Variants in PEX16 observed in about 807,000 individuals in gnomAD.
PEX16 encodes peroxisomal biogenesis factor 16.
Under a neutral mutation model 50.5 loss-of-function variants are expected in PEX16, and 37 were observed. The observed-to-expected ratio is 0.73, with a 90% CI of 0.56 to 0.96. The LOEUF (loss-of-function observed/expected upper bound fraction) is 0.96. Among genes scored for constraint, PEX16 ranks in the 40% least tolerant of loss-of-function variants. The probability of loss-of-function intolerance (pLI) is 0.00; values close to 1 mark genes in which losing one functional copy is unlikely to be tolerated. For missense variants in PEX16, 401 were observed against 438.3 expected (o/e 0.91, Z 0.76); for synonymous variants, 185 against 190.3 (o/e 0.97, Z 0.23).
upstream of PEX16, chr11:45,918,124 G>A: frequency 2.1e-6 from 1 of 471,492 alleles, no homozygotes. Flanking sequence ...CCGTTTACCG[G>A]GTTGGCTGCC....
In PEX16 at chr11:45,910,129, T is replaced by C. The variant is rs2086760276; in HGVS notation, c.*125A>G. 4 of 1,611,794 alleles carry C rather than the reference T, an allele frequency of 2.5e-6. No homozygotes were observed. The highest frequency in any genetic ancestry group is 1.7e-6 in the Non-Finnish European group (2 of 1,179,920). ...GAGGAACGCTGGTGGCGACCAGGGC[T>C]GTGTGTGGGGCCTGGCCGGTAGGCA... is the stretch of plus-strand genomic sequence containing the variant. On this transcript the variant is annotated 3_prime_UTR_variant, in exon 11 of 11. Coordinates refer to ENST00000378750, the MANE Select transcript of PEX16 (RefSeq NM_004813.4).
chr11:45,910,002 G>A lies in PEX16; in HGVS notation c.*252C>T, dbSNP rs868786874. On this transcript the variant is annotated 3_prime_UTR_variant, in exon 11 of 11. Coordinates refer to ENST00000378750, the MANE Select transcript of PEX16 (RefSeq NM_004813.4). ...GAAGTCACCGCTTTCTGTGGGAGAG[G>A]AGCCTGGATCCCACTCCTAGTGAAG... 10 of 1,221,666 alleles carry A rather than the reference G, an allele frequency of 8.2e-6. No homozygotes were observed. Among genetic ancestry groups the A allele is most frequent in the Admixed American group, 1.7e-5 (1 of 59,122 alleles). The allele number at this position is 1,221,666 out of a possible 1,614,324, so 75.7% of individuals were successfully genotyped here.
Position 45,915,557 on chromosome 11 carries a change from C to T in PEX16, c.371G>A (p.Arg124Gln), listed in dbSNP as rs751381531. The part of the protein sequence containing the change: ...ALVQLAKAVL[R>Q]MLLLLWFKAG... ...CTTGAACCAGAGCAGCAGGAGCATCCGCAGTACAGCCCTGGGTCGGGGAGT... is the reference window on the plus strand; with the variant it reads ...CTTGAACCAGAGCAGCAGGAGCATCTGCAGTACAGCCCTGGGTCGGGGAGT... Residue 124 changes from arginine (R) to glutamine (Q), a missense_variant, in exon 5 of 11, where the codon CGG becomes CAG. Arg to Gln is a conservative substitution (Grantham distance 43). Coordinates refer to ENST00000378750, the MANE Select transcript of PEX16 (RefSeq NM_004813.4). 16 of 1,613,990 alleles carry T rather than the reference C, an allele frequency of 9.9e-6. No homozygotes were observed. Among genetic ancestry groups the T allele is most frequent in the South Asian group, 4.4e-5 (4 of 91,078 alleles).
chr11:45,916,168 G>A, intron 3 of PEX16, 59 bp downstream of exon 3: 1 of 1,245,226 alleles, frequency 8.0e-7, no homozygotes, highest in South Asian at 1.2e-5. Context: ...TGGGCTAGCT[G>A]CTACTATTTC....
chr11:45,911,957 G>A (rs1249539729), intron 9 of PEX16: 1 of 152,626 alleles, frequency 6.6e-6, no homozygotes, highest in Non-Finnish European at 1.5e-5. Context: ...CCGGGAGGCA[G>A]AGGTTGCGGT....
At chr11:45,910,824 C>T in intron 10 of PEX16, 74 bp downstream of exon 10, 4 of 1,264,914 alleles carry the variant, frequency 3.2e-6, no homozygotes, top group Non-Finnish European at 4.6e-6. Flanking sequence ...TGCAAGGAGA[C>T]AGAGGAGTCA....
intron 8 of PEX16, 85 bp from the exon 9 acceptor site, chr11:45,914,023 G>C (rs1160327951): frequency 2.3e-5 from 36 of 1,594,224 alleles, no homozygotes; most frequent in Non-Finnish European, 3.0e-5. Context: ...GGTGTCCAGA[G>C]GGGCAGCAAC....
At chr11:45,913,781 C>T in intron 9 of PEX16, 38 bp downstream of exon 9, 1 of 1,613,322 alleles carries the variant, frequency 6.2e-7, no homozygotes, top group Non-Finnish European at 8.5e-7. Flanking sequence ...GCCCGCTTGC[C>T]AGCCCTCTCC....
upstream of PEX16, chr11:45,918,255 G>C: frequency 3.7e-6 from 1 of 270,314 alleles, no homozygotes; most frequent in Non-Finnish European, 7.4e-6. Context: ...CGAACGGCAG[G>C]GCCGGATTTT....
intron 2 of PEX16, chr11:45,916,870 A>G: frequency 2.7e-6 from 1 of 375,670 alleles, no homozygotes; most frequent in Non-Finnish European, 5.3e-6. Context: ...GGGTTTCACC[A>G]TGTTGGCCAG....
At chr11:45,917,205 A>C in intron 2 of PEX16, 1 of 696,754 alleles carries the variant, frequency 1.4e-6, no homozygotes, top group Non-Finnish European at 2.6e-6. Flanking sequence ...TTAACAAGTA[A>C]AGGTAAGAAA....
At chr11:45,912,440 A>C (rs556127143) in intron 9 of PEX16, among the ~76,000 whole-genome samples, 1 of 151,792 alleles carries the variant, frequency 6.6e-6, no homozygotes, top group Admixed American at 6.6e-5. Flanking sequence ...CAGAGCTTGC[A>C]GTGAGCCAAG....
chr11:45,916,126 TCTCATA>T (rs905174352), intron 3 of PEX16, 95 bp downstream of exon 3: 25 of 906,414 alleles, frequency 2.8e-5, no homozygotes, highest in African/African-American at 4.9e-5. Flanking sequence ...CATAGGCCTG[TCTCATA>T]CTCCATGAGA....
intron 6 of PEX16, 31 bp downstream of exon 6, chr11:45,914,573 G>C: frequency 6.2e-7 from 1 of 1,613,276 alleles, no homozygotes; most frequent in South Asian, 1.1e-5. Flanking sequence ...ACAGCACCTA[G>C]GTGCCCAGGC....
At chr11:45,916,906 G>A (rs1462865168) in intron 2 of PEX16, 34 of 421,490 alleles carry the variant, frequency 8.1e-5, no homozygotes, top group South Asian at 5.1e-4. Flanking sequence ...CTGACCTCAC[G>A]TGATCCACCT....
intron 2 of PEX16, 70 bp downstream of exon 2, chr11:45,917,388 C>T (rs1205103444): frequency 2.0e-6 from 3 of 1,473,616 alleles, no homozygotes; most frequent in Middle Eastern, 1.9e-4. Context: ...GGGGTGCTCA[C>T]CCTCTCTGGG....
intron 2 of PEX16, chr11:45,917,094 G>A (rs754508350): frequency 3.5e-6 from 2 of 570,446 alleles, no homozygotes; most frequent in Admixed American, 4.4e-5. Flanking sequence ...CTTGAATCTT[G>A]GTTCTGGGAC....
At position 45,914,165 on chromosome 11, in the gene PEX16, G is replaced by A; in HGVS notation, c.733C>T (p.Pro245Ser). The A allele has an allele frequency of 1.2e-6, 2 of 1,610,154 alleles. No individual in the cohort carries two copies. Among genetic ancestry groups the A allele is most frequent in the South Asian group, 1.1e-5 (1 of 90,454 alleles). Residue 245 changes from proline to serine, a missense_variant, in exon 8 of 11, where the codon CCC becomes TCC. Coordinates refer to ENST00000378750, the MANE Select transcript of PEX16 (RefSeq NM_004813.4). ...TCCACAACACCAGCCAAGAGCCAGG[G>A]TTTCCACGACCTCTGACCCCACAGG... is the stretch of plus-strand genomic sequence containing the variant. ...LGLWGQRSWK[P>S]WLLAGVVDVT...
At chr11:45,910,780 C>T (rs1004206233) in intron 10 of PEX16, 118 bp downstream of exon 10, 44 of 1,066,746 alleles carry the variant, frequency 4.1e-5, no homozygotes, top group African/African-American at 1.4e-4. Context: ...CCTGACTTCC[C>T]GACTTCCTCT....
Sources: gnomAD v4.1 joint callset for allele counts (sites outside exome capture counted in the v4.1 genomes callset) on GRCh38, gnomAD v4.1.1 for gene constraint, MANE v1.5 for transcripts, NCBI Gene and HGNC (gene_info 2026-07-23, HGNC 2026-07-21) for gene names.